CENPU: variants seen among roughly 807,000 people sequenced by gnomAD.
The protein encoded by CENPU is KSHV latent nuclear antigen interacting protein 1.
A neutral mutation model predicts 56.7 loss-of-function variants in CENPU; 46 were observed. That is an observed-to-expected ratio of 0.81 (90% CI 0.64 to 1.04). CENPU has a LOEUF of 1.04. CENPU is among the 50% of genes least tolerant of loss of function. The pLI is 0.00. For synonymous variants in CENPU, 166 were observed against 163.0 expected, an observed-to-expected ratio of 1.02 and a Z score of -0.14; for missense variants, 510 against 490.1, an observed-to-expected ratio of 1.04 and a Z score of -0.38.
At position 184,703,842 on chromosome 4, in the gene CENPU, T is replaced by C. The variant is rs574191639; in HGVS notation, c.798-1401A>G. The stretch of plus-strand genomic sequence containing the variant: ...TAACAATGTCTCAGTCAACGATGGA[T>C]GGCACATACAGTGGTAGACCCATAA... On this transcript the variant is annotated intron_variant, in intron 8 of 12. Coordinates refer to ENST00000281453, the MANE Select transcript of CENPU (RefSeq NM_024629.4). Among the ~76,000 whole-genome samples, 7 of 152,340 alleles carry C rather than the reference T, an allele frequency of 4.6e-5. No homozygotes were observed. The East Asian group carries it at 1.4e-3, about 29-fold the overall frequency.
intron 1 of CENPU, 117 bp from the exon 2 acceptor site, chr4:184,731,085 C>T: frequency 2.7e-6 from 2 of 736,162 alleles, no homozygotes; most frequent in Non-Finnish European, 4.3e-6. Flanking sequence ...AACCCATATT[C>T]CACAAATTTA....
chr4:184,722,912 C>T (rs545242614), intron 4 of CENPU, among the ~76,000 whole-genome samples: 1 of 152,162 alleles, frequency 6.6e-6, no homozygotes, highest in African/African-American at 2.4e-5. Context: ...GCATTTTTGA[C>T]CTATCACATT....
chr4:184,724,191 G>A (rs879717022), intron 4 of CENPU, among the ~76,000 whole-genome samples: 8 of 152,088 alleles, frequency 5.3e-5, no homozygotes, highest in Non-Finnish European at 1.0e-4. Flanking sequence ...GCGTGAACCC[G>A]GGAGGTGGAG....
Position 184,712,944 on chromosome 4 carries a change from C to G in CENPU, c.688G>C (p.Asp230His). The G allele has an allele frequency of 6.3e-7, 1 of 1,577,822 alleles. No individual in the cohort carries two copies. ...KKSRSKAIGS[D>H]TSDIVHIWCP... Reference sequence around the variant, plus strand: ...CAAAGTATAAAACATCATTCTCTACCTGAGCCTATGGCTTTACTTCTTGAT... The same window carrying G: ...CAAAGTATAAAACATCATTCTCTACGTGAGCCTATGGCTTTACTTCTTGAT... Residue 230 changes from aspartate to histidine, a missense_variant and splice_region_variant, in exon 7 of 13, where the codon GAT becomes CAT. Asp to His is a moderately conservative substitution (Grantham distance 81, BLOSUM62 -1). Coordinates refer to ENST00000281453, the MANE Select transcript of CENPU (RefSeq NM_024629.4).
chr4:184,730,322 G>A (rs1256273118), intron 2 of CENPU, among the ~76,000 whole-genome samples: 1 of 152,042 alleles, frequency 6.6e-6, no homozygotes, highest in Non-Finnish European at 1.5e-5. Flanking sequence ...TTCCCAGAGG[G>A]GAAGAGAGCT....
At chr4:184,710,865 T>A (rs7683556) in intron 7 of CENPU, among the ~76,000 whole-genome samples, 27,007 of 151,660 alleles carry the variant, frequency 0.18, 2,665 homozygotes, top group African/African-American at 0.26. Context: ...CTTAGAAAAA[T>A]TTTTTTTTGA....
At position 184,694,770 on chromosome 4, in the gene CENPU, A is replaced by G. The variant is rs1279049604; in HGVS notation, c.*518T>C. 2.5e-6 allele frequency: 4 copies of G among 1,607,998 alleles called. No individual in the cohort carries two copies. In the East Asian group the frequency reaches 8.9e-5, roughly 36 times the overall value. ...CTGATGAACTAATTATAGAAGTATT[A>G]CAAGAGTAACTAATTCACTATGAAC... On this transcript the variant is annotated 3_prime_UTR_variant, in exon 13 of 13. Transcript: ENST00000281453.
chr4:184,706,826 C>A (rs1218764184), intron 8 of CENPU, among the ~76,000 whole-genome samples: 5 of 152,206 alleles, frequency 3.3e-5, no homozygotes, highest in Non-Finnish European at 7.3e-5. Context: ...AAATACTATG[C>A]CTCTTCTAAA....
At chr4:184,721,735 G>T (rs1223216583) in intron 4 of CENPU, among the ~76,000 whole-genome samples, 1 of 152,114 alleles carries the variant, frequency 6.6e-6, no homozygotes, top group African/African-American at 2.4e-5. Context: ...CCCAACACTG[G>T]AACACCCAGA....
rs1760975724 is a variant in CENPU, at chr4:184,713,030, C to T, written c.619-17G>A. 1.4e-6 allele frequency: 2 copies of T among 1,417,396 alleles called. No individual in the cohort carries two copies. The highest frequency in any genetic ancestry group is 1.9e-6 in the Non-Finnish European group (2 of 1,030,282). The allele number at this position is 1,417,396 out of a possible 1,614,324, so 87.8% of individuals were successfully genotyped here. On this transcript the variant is annotated splice_polypyrimidine_tract_variant and intron_variant, in intron 6 of 12. Coordinates refer to ENST00000281453, the MANE Select transcript of CENPU (RefSeq NM_024629.4). ...CTGAGTTTTCTACAAAAAAAAAAAG[C>T]ATTAAGTTTTTAAGAAAAGTTTTCT...
chr4:184,703,808 A>G (rs1423319886), intron 8 of CENPU, among the ~76,000 whole-genome samples: 1 of 152,380 alleles, frequency 6.6e-6, no homozygotes, highest in East Asian at 1.9e-4. Flanking sequence ...TGTTAAAATC[A>G]TGACCACATA....
At chr4:184,730,797 C>T in intron 2 of CENPU, 123 bp downstream of exon 2, 1 of 611,142 alleles carries the variant, frequency 1.6e-6, no homozygotes, top group South Asian at 2.7e-5. Flanking sequence ...GGAAAATGAA[C>T]ACACTTTTTC....
Position 184,694,630 on chromosome 4 carries a change from G to A in CENPU, c.*658C>T, listed in dbSNP as rs1760107579. On this transcript the variant is annotated 3_prime_UTR_variant, in exon 13 of 13. Coordinates refer to ENST00000281453, the MANE Select transcript of CENPU (RefSeq NM_024629.4). ...GTCAACAGGTGCATCTGCTGATGCT[G>A]TCTGGGATAATGGCATTGATGATGC... 6.2e-7 allele frequency: 1 copy of A among 1,614,192 alleles called. No individual in the cohort carries two copies. The highest frequency in any genetic ancestry group is 8.5e-7 in the Non-Finnish European group (1 of 1,180,014).
intron 5 of CENPU, 69 bp downstream of exon 5, chr4:184,717,067 A>G: frequency 9.9e-7 from 1 of 1,007,462 alleles, no homozygotes; most frequent in Non-Finnish European, 1.5e-6. Flanking sequence ...TTTACAGAAC[A>G]TTTTCTGTAC....
intron 2 of CENPU, 37 bp downstream of exon 2, chr4:184,730,879 TGTCA>T (rs1761616776): frequency 1.3e-6 from 2 of 1,511,438 alleles, no homozygotes; most frequent in Non-Finnish European, 8.9e-7. Flanking sequence ...TATTTTGTAC[TGTCA>T]ATTTTGAGAA....
intron 10 of CENPU, among the ~76,000 whole-genome samples, chr4:184,701,535 G>A (rs1414331828): frequency 6.6e-6 from 1 of 152,086 alleles, no homozygotes; most frequent in Non-Finnish European, 1.5e-5. Context: ...TTCCAGGTAA[G>A]CAAAGGAGAC....
chr4:184,696,889 T>G (rs1760354141), intron 12 of CENPU, among the ~76,000 whole-genome samples: 1 of 151,508 alleles, frequency 6.6e-6, no homozygotes, highest in Admixed American at 6.6e-5. Context: ...TTAACTTTTT[T>G]TTTTTTTTTG....
intron 10 of CENPU, among the ~76,000 whole-genome samples, chr4:184,701,560 G>C (rs921369044): frequency 6.6e-6 from 1 of 152,064 alleles, no homozygotes; most frequent in African/African-American, 2.4e-5. Context: ...ATGCTGGCTG[G>C]CTTGTCACCC....
rs774158190 is a variant in CENPU at position 184,712,933 on chromosome 4, T to C, written c.688+11A>G. Reference sequence around the variant, plus strand: ...TGAATGAGTGACAAAGTATAAAACATCATTCTCTACCTGAGCCTATGGCTT... The same window carrying C: ...TGAATGAGTGACAAAGTATAAAACACCATTCTCTACCTGAGCCTATGGCTT... On this transcript the variant is annotated intron_variant, in intron 7 of 12. Coordinates refer to ENST00000281453, the MANE Select transcript of CENPU (RefSeq NM_024629.4). 1 of 1,544,302 alleles carries C rather than the reference T, an allele frequency of 6.5e-7. No individual in the cohort carries two copies. Among genetic ancestry groups the C allele is most frequent in the East Asian group, 2.3e-5 (1 of 44,436 alleles).
Sources: allele counts gnomAD v4.1 joint callset (sites outside exome capture counted in the v4.1 genomes callset), GRCh38; gene constraint gnomAD v4.1.1; transcripts MANE v1.5; gene names NCBI Gene and HGNC (gene_info 2026-07-23, HGNC 2026-07-21).